FREM1: variants seen among roughly 807,000 people sequenced by gnomAD.
The protein encoded by FREM1 is FRAS1 related extracellular matrix 1.
FREM1 carries 220 observed loss-of-function variants against 210.1 expected under a neutral mutation model. The ratio of observed to expected loss-of-function variants is 1.05; its 90% CI spans 0.94 to 1.17. The LOEUF is 1.17. FREM1 is among the 50% of genes most tolerant of loss of function. The pLI is 0.00. For missense variants in FREM1, 3,454 were observed against 2,675.5 expected (o/e 1.29, Z -6.42); for synonymous variants, 1,189 against 980.2 (o/e 1.21, Z -3.98).
chr9:14,764,450 C>A (rs1846041325), intron 27 of FREM1, among the ~76,000 whole-genome samples: 1 of 152,172 alleles, frequency 6.6e-6, no homozygotes, highest in South Asian at 2.1e-4. Flanking sequence ...ATTCTGGATT[C>A]TTTGACTATT....
chr9:14,780,845 C>T (rs1849546746), intron 24 of FREM1, among the ~76,000 whole-genome samples: 1 of 152,172 alleles, frequency 6.6e-6, no homozygotes, highest in South Asian at 2.1e-4. Flanking sequence ...ATCACACTTT[C>T]ATTAAAACAG....
At chr9:14,816,091 C>T (rs758724479) in intron 15 of FREM1, among the ~76,000 whole-genome samples, 12 of 152,110 alleles carry the variant, frequency 7.9e-5, no homozygotes, top group Non-Finnish European at 1.3e-4. Context: ...AACAGGAAAA[C>T]CCCAGTGATA....
chr9:14,822,533 ATGACCATACTAAT>A (rs1299175234), intron 13 of FREM1, among the ~76,000 whole-genome samples: 1 of 152,144 alleles, frequency 6.6e-6, no homozygotes, highest in East Asian at 1.9e-4. Context: ...AAGAATAATA[ATGACCATACTAAT>A]TAAGCCTAGC....
rs864309629 is a variant in FREM1, at chr9:14,813,042, G to A, written c.2663C>T (p.Pro888Leu). The part of the protein sequence containing the change: ...HVEVFPVNDE[P>L]PVLKADLMPV... ...CATGAGGTCAGCCTTTAAGACTGGTGGCTCATCGTTGACAGGGAATACCTA... is the reference window on the plus strand; with the variant it reads ...CATGAGGTCAGCCTTTAAGACTGGTAGCTCATCGTTGACAGGGAATACCTA... The change falls in exon 16 of 37, where the codon CCA (proline) becomes CTA (leucine). Residue 888 changes from proline to leucine, a missense_variant. Pro to Leu is a moderately conservative substitution (Grantham distance 98, BLOSUM62 -3). Coordinates refer to ENST00000380880, the MANE Select transcript of FREM1 (RefSeq NM_001379081.2). 6.2e-7 allele frequency: 1 copy of A among 1,610,042 alleles called. No homozygotes were observed. The highest frequency in any genetic ancestry group is 1.7e-5 in the Admixed American group (1 of 59,844).
At position 14,746,992 on chromosome 9, in the gene FREM1, A is replaced by T. The variant is rs764655202; in HGVS notation, c.6069T>A (p.Phe2023Leu). Residue 2023 changes from phenylalanine (F) to leucine (L), a missense_variant, in exon 34 of 37, where the codon TTT becomes TTA. Transcript: ENST00000380880. ...CTLELKGLFHFEEGIQKLYQC... is the reference protein window; with the variant it reads ...CTLELKGLFHLEEGIQKLYQC... ...GATACAGCTTCTGGATGCCTTCTTC[A>T]AAATGGAAGAGTCCCTTTAATTCCA... 6.2e-7 allele frequency: 1 copy of T among 1,613,304 alleles called. No homozygotes were observed. The highest frequency in any genetic ancestry group is 8.5e-7 in the Non-Finnish European group (1 of 1,179,632).
At chr9:14,802,654 C>G (rs921121824) in intron 19 of FREM1, among the ~76,000 whole-genome samples, 1 of 152,074 alleles carries the variant, frequency 6.6e-6, no homozygotes, top group Non-Finnish European at 1.5e-5. Flanking sequence ...TTTTTTCTCA[C>G]GAGGATTGAG....
chr9:14,754,947 G>A (rs1250111905), intron 29 of FREM1, among the ~76,000 whole-genome samples: 1 of 152,012 alleles, frequency 6.6e-6, no homozygotes, highest in Non-Finnish European at 1.5e-5. Context: ...AAAGAAAAAA[G>A]GGGCAGGGAC....
intron 24 of FREM1, among the ~76,000 whole-genome samples, chr9:14,777,138 T>C (rs527562805): frequency 6.6e-6 from 1 of 152,260 alleles, no homozygotes; most frequent in South Asian, 2.1e-4. Flanking sequence ...TGCAAAACTA[T>C]AAAAAGAAAG....
At chr9:14,807,877 A>C (rs1588106782) in intron 17 of FREM1, 63 bp downstream of exon 17, 1 of 1,102,620 alleles carries the variant, frequency 9.1e-7, no homozygotes, top group East Asian at 2.6e-5. Flanking sequence ...GTATTATTTC[A>C]CTGAACCACA....
intron 2 of FREM1, among the ~76,000 whole-genome samples, chr9:14,868,263 G>A (rs993476433): frequency 6.6e-6 from 1 of 152,132 alleles, no homozygotes; most frequent in Non-Finnish European, 1.5e-5. Context: ...ACTCGGGGCA[G>A]GAATAACTCC....
At chr9:14,778,607 CAAAAAAAAAAA>C (rs1169611171) in intron 24 of FREM1, among the ~76,000 whole-genome samples, 5 of 31,252 alleles carry the variant, frequency 1.6e-4, no homozygotes, top group Admixed American at 6.2e-4. Context: ...GAACCTGTCT[CAAAAAAAAAAA>C]AAAAAAAAAA....
At chr9:14,778,678 A>AG (rs1360112514) in intron 24 of FREM1, among the ~76,000 whole-genome samples, 8 of 8,870 alleles carry the variant, frequency 9.0e-4, no homozygotes, top group Non-Finnish European at 1.6e-3. Context: ...GAGGGAGGGG[A>AG]GGGAGGGAAG....
intron 1 of FREM1, among the ~76,000 whole-genome samples, chr9:14,903,682 A>G (rs929724847): frequency 2.0e-5 from 3 of 152,232 alleles, no homozygotes; most frequent in African/African-American, 7.2e-5. Flanking sequence ...TTTTGAAGGC[A>G]GAAGGACAAC....
Position 14,801,758 on chromosome 9 carries a change from G to A in FREM1, c.3588C>T (p.Leu1196=), listed in dbSNP as rs964024042. The change falls in exon 20 of 37, where the codon CTC becomes CTT. Residue 1196 remains leucine, a synonymous_variant. Coordinates refer to ENST00000380880, the MANE Select transcript of FREM1 (RefSeq NM_001379081.2). The part of the protein sequence containing the change: ...SITQKPRHGL[L]IDRGFSKDFS... ...AGTCTTTGCTAAACCCCCTATCGATGAGGAGGCCATGGCGTGGCTTTTGAG... is the reference window on the plus strand; with the variant it reads ...AGTCTTTGCTAAACCCCCTATCGATAAGGAGGCCATGGCGTGGCTTTTGAG... 1 of 1,613,958 alleles carries A rather than the reference G, an allele frequency of 6.2e-7. No homozygotes were observed. Among genetic ancestry groups the A allele is most frequent in the African/African-American group, 1.3e-5 (1 of 75,060 alleles).
chr9:14,863,740 A>C (rs1394475981), intron 3 of FREM1, 69 bp downstream of exon 3: 3 of 912,006 alleles, frequency 3.3e-6, no homozygotes, highest in Admixed American at 1.9e-5. Flanking sequence ...CATATCCACA[A>C]GAAAAGCCCT....
chr9:14,792,268 A>ACACG (rs1347286624), intron 22 of FREM1, among the ~76,000 whole-genome samples: 127 of 104,678 alleles, frequency 1.2e-3, no homozygotes, highest in African/African-American at 4.3e-3. Context: ...ACCCACACAC[A>ACACG]CACGCACACA....
At chr9:14,807,193 G>T (rs1486247738) in intron 17 of FREM1, among the ~76,000 whole-genome samples, 2 of 152,166 alleles carry the variant, frequency 1.3e-5, no homozygotes, top group Non-Finnish European at 2.9e-5. Flanking sequence ...ACAAATGAAA[G>T]TAAGAATTGC....
chr9:14,788,491 T>C (rs1204559639), intron 23 of FREM1, among the ~76,000 whole-genome samples: 1 of 152,228 alleles, frequency 6.6e-6, no homozygotes, highest in Non-Finnish European at 1.5e-5. Context: ...TTTTAAATTT[T>C]AAAATGTATT....
chr9:14,812,856 G>A lies in FREM1; in HGVS notation c.2849C>T (p.Ser950Phe). 2 of 1,613,776 alleles carry A rather than the reference G, an allele frequency of 1.2e-6. No individual in the cohort carries two copies. Among genetic ancestry groups the A allele is most frequent in the South Asian group, 1.1e-5 (1 of 91,044 alleles). ...RRAGVTVDQFSQRDVISEAVT... is the reference protein window; with the variant it reads ...RRAGVTVDQFFQRDVISEAVT... Reference sequence around the variant, plus strand: ...GGCCTCTGAGATAACATCTCTCTGAGAGAACTGATCCACTGTGACTCCAGC... The same window carrying A: ...GGCCTCTGAGATAACATCTCTCTGAAAGAACTGATCCACTGTGACTCCAGC... Residue 950 changes from serine (S) to phenylalanine (F), a missense_variant, in exon 16 of 37, where the codon TCT becomes TTT. Ser to Phe is a radical substitution (Grantham distance 155). Transcript: ENST00000380880.
Sources: gnomAD v4.1 joint callset for allele counts (sites outside exome capture counted in the v4.1 genomes callset) on GRCh38, gnomAD v4.1.1 for gene constraint, MANE v1.5 for transcripts, NCBI Gene and HGNC (gene_info 2026-07-23, HGNC 2026-07-21) for gene names.